Variants in RPS6KA2 observed in about 807,000 individuals in gnomAD.
The protein encoded by RPS6KA2 is ribosomal protein S6 kinase A2, also known as ribosomal protein S6 kinase alpha-2.
In RPS6KA2, 42 loss-of-function variants were observed where a neutral mutation model predicts 91.8. The ratio of observed to expected loss-of-function variants is 0.46; its 90% CI spans 0.36 to 0.59. The LOEUF (loss-of-function observed/expected upper bound fraction) is 0.59. RPS6KA2 is among the 20% of genes least tolerant of loss of function. The pLI is 0.00. For synonymous variants in RPS6KA2, 414 were observed against 393.6 expected, an observed-to-expected ratio of 1.05 and a Z score of -0.61; for missense variants, 798 against 978.5, an observed-to-expected ratio of 0.82 and a Z score of 2.46.
At chr6:166,746,223 A>C (rs1660669429) in intron 2 of RPS6KA2, among the ~76,000 whole-genome samples, 1 of 152,106 alleles carries the variant, frequency 6.6e-6, no homozygotes, top group Non-Finnish European at 1.5e-5. Flanking sequence ...TAAGAACAAC[A>C]CCGAGCTTTC....
chr6:166,425,132 A>G (rs894686026), intron 16 of RPS6KA2, among the ~76,000 whole-genome samples: 1 of 152,192 alleles, frequency 6.6e-6, no homozygotes, highest in Non-Finnish European at 1.5e-5. Context: ...TCTATAACAA[A>G]TGTTCCTAAC....
intron 11 of RPS6KA2, 65 bp downstream of exon 11, chr6:166,469,776 G>A (rs900404069): frequency 4.0e-5 from 56 of 1,415,350 alleles, no homozygotes; most frequent in Admixed American, 6.7e-5. Flanking sequence ...GCACCAAGCC[G>A]TATGTTCCCT....
Position 166,436,775 on chromosome 6 carries a change from C to G in RPS6KA2, c.1333-4285G>C, listed in dbSNP as rs571645324. 4.1e-4 allele frequency among the ~76,000 whole-genome samples: 63 copies of G among 152,346 alleles called. No homozygotes were observed. In the East Asian group the frequency reaches 8.3e-3, roughly 20 times the overall value. On this transcript the variant is annotated intron_variant, in intron 14 of 20. Coordinates refer to ENST00000265678, the MANE Select transcript of RPS6KA2 (RefSeq NM_021135.6). ...TCCCCGTCCTGGAAGGGAAGTCCCA[C>G]AGACTGGGGTCTCTCCTGCCTCAGC...
rs1778351710 is a variant in RPS6KA2 at position 166,412,737 on chromosome 6, G to A, written c.*25C>T. 1.9e-6 allele frequency: 3 copies of A among 1,569,246 alleles called. No homozygotes were observed. The highest frequency in any genetic ancestry group is 2.6e-6 in the Non-Finnish European group (3 of 1,157,838). On this transcript the variant is annotated 3_prime_UTR_variant, in exon 21 of 21. Transcript: ENST00000265678. The surrounding 1 kb of genome is among the most constrained non-coding windows in gnomAD (Gnocchi z 4.3). The stretch of plus-strand genomic sequence containing the variant: ...TGAGCCCACGAGGATGCTGGCAGGG[G>A]ACGCTGGGGCCAGGGTCCCACCCGC...
At chr6:166,422,961 A>C (rs1476964002) in intron 17 of RPS6KA2, among the ~76,000 whole-genome samples, 1 of 152,220 alleles carries the variant, frequency 6.6e-6, no homozygotes, top group Non-Finnish European at 1.5e-5. Context: ...TCTAACTTGG[A>C]ATAAATATGC....
chr6:166,417,952 G>C (rs368163207), intron 19 of RPS6KA2, among the ~76,000 whole-genome samples: 1 of 151,924 alleles, frequency 6.6e-6, no homozygotes, highest in Non-Finnish European at 1.5e-5. Context: ...GTCGGGTGTG[G>C]TCGCACACGC....
At chr6:166,828,176 T>C (rs1384269237) in intron 2 of RPS6KA2, among the ~76,000 whole-genome samples, 1 of 152,226 alleles carries the variant, frequency 6.6e-6, no homozygotes, top group African/African-American at 2.4e-5. Context: ...CCCTCCCAGC[T>C]TCAGCACAGT....
At chr6:166,443,105 A>AC (rs1779571272) in intron 14 of RPS6KA2, among the ~76,000 whole-genome samples, 1 of 152,210 alleles carries the variant, frequency 6.6e-6, no homozygotes, top group Non-Finnish European at 1.5e-5. Context: ...ATACTGTATT[A>AC]AGAATACAGT....
intron 2 of RPS6KA2, among the ~76,000 whole-genome samples, chr6:166,778,280 G>A (rs1320988425): frequency 3.3e-5 from 5 of 152,230 alleles, no homozygotes; most frequent in Non-Finnish European, 7.3e-5. Flanking sequence ...CCTCTGCAAC[G>A]ACTGGCGCCG....
intron 2 of RPS6KA2, among the ~76,000 whole-genome samples, chr6:166,705,052 C>G (rs775575873): frequency 6.6e-6 from 1 of 152,210 alleles, no homozygotes. Flanking sequence ...TTGCACAATG[C>G]AAACTTCTCA....
chr6:166,853,633 G>A lies in RPS6KA2; in HGVS notation c.123+4567C>T, dbSNP rs138853379. ...CCACCAAAGATCCATGCTCAGCATC[G>A]TGGCCACCTAAGTCTCACGAGTGTG... On this transcript the variant is annotated intron_variant, in intron 2 of 21. Transcript: ENST00000503859. Among the ~76,000 whole-genome samples the A allele has an allele frequency of 7.6e-4, 116 of 152,348 alleles. 1 individual carries two copies. Among genetic ancestry groups the A allele is most frequent in the Admixed American group, 1.7e-3 (26 of 15,304 alleles).
chr6:166,836,321 T>C (rs1159480618), intron 2 of RPS6KA2, among the ~76,000 whole-genome samples: 1 of 152,172 alleles, frequency 6.6e-6, no homozygotes, highest in Non-Finnish European at 1.5e-5. Flanking sequence ...ATTGGTAATA[T>C]TTCTTCCTTA....
intron 2 of RPS6KA2, among the ~76,000 whole-genome samples, chr6:166,803,879 C>A (rs911571203): frequency 6.6e-6 from 1 of 152,158 alleles, no homozygotes; most frequent in African/African-American, 2.4e-5. Context: ...GCAAAACTGG[C>A]TGAAAATTGC....
chr6:166,763,715 G>A (rs533537877), intron 2 of RPS6KA2, among the ~76,000 whole-genome samples: 2 of 152,290 alleles, frequency 1.3e-5, no homozygotes, highest in South Asian at 2.1e-4. Context: ...AAGGCGTTTC[G>A]TAAGTAGTGA....
intron 2 of RPS6KA2, among the ~76,000 whole-genome samples, chr6:166,744,922 G>A (rs1008838900): frequency 6.6e-6 from 1 of 152,124 alleles, no homozygotes; most frequent in Admixed American, 6.5e-5. Context: ...TTTCCTCATG[G>A]GTGCACTGGG....
At chr6:166,489,016 G>C in intron 9 of RPS6KA2, 95 bp from the exon 10 acceptor site, 1 of 1,042,766 alleles carries the variant, frequency 9.6e-7, no homozygotes, top group Non-Finnish European at 1.4e-6. Context: ...CTCAATCGCA[G>C]TCACCCAGAG....
intron 2 of RPS6KA2, among the ~76,000 whole-genome samples, chr6:166,722,517 C>G: frequency 6.6e-6 from 1 of 152,242 alleles, no homozygotes; most frequent in East Asian, 1.9e-4. Context: ...ACAGGGCCCA[C>G]AGCCACAGAG....
chr6:166,724,815 ACACAGAC>A, intron 2 of RPS6KA2, among the ~76,000 whole-genome samples: 1 of 152,246 alleles, frequency 6.6e-6, no homozygotes, highest in Admixed American at 6.5e-5. Flanking sequence ...CATCAGCTTT[ACACAGAC>A]TCCTGTCATA....
At chr6:166,677,374 T>G (rs977725933) in intron 2 of RPS6KA2, among the ~76,000 whole-genome samples, 1 of 152,052 alleles carries the variant, frequency 6.6e-6, no homozygotes, top group Admixed American at 6.5e-5. Context: ...TTTTTTTTTT[T>G]TTTTTGAGAC....
Sources: gnomAD v4.1 joint callset for allele counts (sites outside exome capture counted in the v4.1 genomes callset) on GRCh38, gnomAD v4.1.1 for gene constraint, Gnocchi (gnomAD v3.1) non-coding constraint, MANE v1.5 for transcripts, NCBI Gene and HGNC (gene_info 2026-07-23, HGNC 2026-07-21) for gene names.